Variants in IGF1R observed in about 807,000 individuals in gnomAD.
IGF1R encodes insulin-like growth factor 1 receptor.
A neutral mutation model predicts 144.6 loss-of-function variants in IGF1R; 44 were observed. That is an observed-to-expected ratio of 0.30 (90% CI 0.24 to 0.39). The LOEUF (loss-of-function observed/expected upper bound fraction) is 0.39, where lower values mean the gene tolerates loss of function less well. Ranked by LOEUF, IGF1R falls within the 10% of genes least tolerant of loss-of-function variation. IGF1R has a pLI of 1.00. For missense variants in IGF1R, 1,355 were observed against 1,833.7 expected, an observed-to-expected ratio of 0.74 and a Z score of 4.77; for synonymous variants, 795 against 722.8, an observed-to-expected ratio of 1.10 and a Z score of -1.60.
chr15:98,884,728 G>T (rs1200207480), intron 2 of IGF1R, among the ~76,000 whole-genome samples: 1 of 151,148 alleles, frequency 6.6e-6, no homozygotes, highest in Non-Finnish European at 1.5e-5. Context: ...CTTCCAGATG[G>T]TCCTGGACAT....
chr15:98,716,816 T>G (rs2054128934), intron 2 of IGF1R, among the ~76,000 whole-genome samples: 1 of 152,168 alleles, frequency 6.6e-6, no homozygotes, highest in Non-Finnish European at 1.5e-5. Flanking sequence ...CCATCCAGGT[T>G]AGATCACTTC....
At chr15:98,683,298 G>C (rs2053238345) in intron 1 of IGF1R, among the ~76,000 whole-genome samples, 1 of 152,136 alleles carries the variant, frequency 6.6e-6, no homozygotes, top group Admixed American at 6.5e-5. Context: ...CAAGTGGTCT[G>C]GCTGTGTTTA....
intron 1 of IGF1R, among the ~76,000 whole-genome samples, chr15:98,655,443 A>G (rs1348430328): frequency 6.6e-6 from 1 of 151,972 alleles, no homozygotes; most frequent in African/African-American, 2.4e-5. Flanking sequence ...TTTATTTTCA[A>G]ATCTTAAGGA....
At chr15:98,650,716 T>C (rs886641353) in intron 1 of IGF1R, among the ~76,000 whole-genome samples, 2 of 152,100 alleles carry the variant, frequency 1.3e-5, no homozygotes, top group African/African-American at 2.4e-5. Context: ...GGGGAGGGTG[T>C]TGTGTTTTGC....
intron 2 of IGF1R, among the ~76,000 whole-genome samples, chr15:98,828,309 C>T (rs2056934208): frequency 2.0e-5 from 3 of 152,082 alleles, no homozygotes; most frequent in Non-Finnish European, 2.9e-5. Flanking sequence ...GTTAGTTCAG[C>T]TCCAGCCAAA....
chr15:98,828,027 G>T (rs1163159923), intron 2 of IGF1R, among the ~76,000 whole-genome samples: 1 of 152,186 alleles, frequency 6.6e-6, no homozygotes, highest in South Asian at 2.1e-4. Context: ...CCAAAATTTG[G>T]AAGAGGGGAG....
intron 2 of IGF1R, among the ~76,000 whole-genome samples, chr15:98,884,032 A>T (rs908278000): frequency 2.6e-5 from 4 of 152,308 alleles, no homozygotes; most frequent in African/African-American, 9.6e-5. Flanking sequence ...AGGGTGAAAC[A>T]TGGGTCTGGG....
chr15:98,727,993 A>G (rs2054401917), intron 2 of IGF1R, among the ~76,000 whole-genome samples: 1 of 138,884 alleles, frequency 7.2e-6, no homozygotes, highest in African/African-American at 2.7e-5. Flanking sequence ...CACTGTACTC[A>G]CTGAAGATGC....
intron 2 of IGF1R, among the ~76,000 whole-genome samples, chr15:98,777,544 C>A (rs980583140): frequency 6.6e-6 from 1 of 152,316 alleles, no homozygotes; most frequent in Admixed American, 6.5e-5. Context: ...CGAAGAGGAA[C>A]CTCAAGGGTG....
In IGF1R at chr15:98,652,425, A is replaced by G. The variant is rs146909109; in HGVS notation, c.94+2750A>G. 9.5e-4 allele frequency among the ~76,000 whole-genome samples: 144 copies of G among 152,376 alleles called. 1 individual carries two copies. The highest frequency in any genetic ancestry group is 7.4e-3 in the Admixed American group (114 of 15,308). ...TTTTATTACCAGAAGGAGAACCCAG[A>G]AAAAGAACTTCTGAAAGAACCTAAA... On this transcript the variant is annotated intron_variant, in intron 1 of 20. Coordinates refer to ENST00000650285, the MANE Select transcript of IGF1R (RefSeq NM_000875.5).
chr15:98,863,110 G>A (rs764714969), intron 2 of IGF1R, among the ~76,000 whole-genome samples: 2 of 152,136 alleles, frequency 1.3e-5, no homozygotes, highest in Non-Finnish European at 2.9e-5. Context: ...AGTCATTCAC[G>A]AAGTTCGCAC....
At chr15:98,775,667 G>T (rs552507733) in intron 2 of IGF1R, among the ~76,000 whole-genome samples, 11 of 152,334 alleles carry the variant, frequency 7.2e-5, no homozygotes, top group Admixed American at 7.2e-4. Context: ...GCCCCTGCTG[G>T]TGCTGGGTCC....
intron 2 of IGF1R, among the ~76,000 whole-genome samples, chr15:98,883,398 G>A (rs1229304129): frequency 6.6e-6 from 1 of 152,200 alleles, no homozygotes; most frequent in Non-Finnish European, 1.5e-5. Flanking sequence ...GTGTGTATGT[G>A]CAGCATTTGG....
At chr15:98,694,103 A>G (rs772386401) in intron 1 of IGF1R, among the ~76,000 whole-genome samples, 1 of 152,132 alleles carries the variant, frequency 6.6e-6, no homozygotes, top group African/African-American at 2.4e-5. Flanking sequence ...ATTGATCCCT[A>G]TGCACTTAAT....
At chr15:98,939,501 T>C in intron 18 of IGF1R, 141 bp downstream of exon 18, 1 of 833,774 alleles carries the variant, frequency 1.2e-6, no homozygotes, top group Non-Finnish European at 2.1e-6. Flanking sequence ...GATGTGATTG[T>C]CTCCAGTTGA....
At chr15:98,693,957 G>A (rs993605514) in intron 1 of IGF1R, among the ~76,000 whole-genome samples, 6 of 152,176 alleles carry the variant, frequency 3.9e-5, no homozygotes, top group Admixed American at 1.3e-4. Flanking sequence ...CTTCTTCAAG[G>A]CTGTACTTGT....
intron 15 of IGF1R, among the ~76,000 whole-genome samples, chr15:98,932,511 G>T (rs1019930429): frequency 6.6e-6 from 1 of 152,210 alleles, no homozygotes; most frequent in African/African-American, 2.4e-5. Flanking sequence ...GAAAAGGATT[G>T]AGCGTATTGA....
intron 2 of IGF1R, among the ~76,000 whole-genome samples, chr15:98,769,651 A>T (rs1005811363): frequency 3.9e-5 from 6 of 152,232 alleles, no homozygotes; most frequent in African/African-American, 1.4e-4. Flanking sequence ...TTTTTTATTG[A>T]TTGCTGGCAT....
At chr15:98,907,684 C>T (rs987227190) in intron 5 of IGF1R, among the ~76,000 whole-genome samples, 11 of 152,228 alleles carry the variant, frequency 7.2e-5, no homozygotes, top group Non-Finnish European at 1.3e-4. Context: ...AGACCTAAGC[C>T]GTAGCTGTCT....
Sources: gnomAD v4.1 joint callset for allele counts (sites outside exome capture counted in the v4.1 genomes callset) on GRCh38, gnomAD v4.1.1 for gene constraint, MANE v1.5 for transcripts, NCBI Gene and HGNC (gene_info 2026-07-23, HGNC 2026-07-21) for gene names.